Variants in LUZP2 observed in about 807,000 individuals in gnomAD.
LUZP2 encodes leucine zipper protein 2.
In LUZP2, 52 loss-of-function variants were observed where a neutral mutation model predicts 51.6. The ratio of observed to expected loss-of-function variants is 1.01; its 90% CI spans 0.81 to 1.27. The LOEUF is 1.27. Ranked by LOEUF, LUZP2 falls within the 50% of genes most tolerant of loss-of-function variation. The pLI, the probability that LUZP2 is intolerant of heterozygous loss-of-function variation, is 0.00. For synonymous variants in LUZP2, 154 were observed against 137.3 expected, an observed-to-expected ratio of 1.12 and a Z score of -0.85; for missense variants, 436 against 395.4, an observed-to-expected ratio of 1.10 and a Z score of -0.87.
In LUZP2 at chr11:24,823,908, A is replaced by G. The variant is rs1850438754; in HGVS notation, c.396+60600A>G. ...GAAACCCTGTCTCTACTAAAAATAC[A>G]AAAAATTAGCCAGGTGTGGTGGCAG... On this transcript the variant is annotated intron_variant, in intron 5 of 11. Coordinates refer to ENST00000336930, the MANE Select transcript of LUZP2 (RefSeq NM_001009909.4). Among the ~76,000 whole-genome samples, 3 of 152,000 alleles carry G rather than the reference A, an allele frequency of 2.0e-5. No individual in the cohort carries two copies. The South Asian group carries it at 6.2e-4, about 32-fold the overall frequency.
intron 9 of LUZP2, among the ~76,000 whole-genome samples, chr11:25,031,924 A>G (rs1857700054): frequency 6.6e-6 from 1 of 152,178 alleles, no homozygotes; most frequent in South Asian, 2.1e-4. Context: ...AACTAAAATT[A>G]CCAATCAGCT....
chr11:24,602,144 A>ATATATATATGTGTATATATGTATATGTG (rs1853704309), intron 1 of LUZP2, among the ~76,000 whole-genome samples: 1 of 118,112 alleles, frequency 8.5e-6, no homozygotes, highest in African/African-American at 3.6e-5. Flanking sequence ...GTATATATGT[A>ATATATATATGTGTATATATGTATATGTG]TATATGTATA....
intron 5 of LUZP2, among the ~76,000 whole-genome samples, chr11:24,807,811 T>G (rs116932512): frequency 6.6e-6 from 1 of 152,226 alleles, no homozygotes; most frequent in East Asian, 1.9e-4. Flanking sequence ...TGGCCATGCT[T>G]CCCATAAAAA....
chr11:24,648,628 T>C (rs1323513630), intron 1 of LUZP2, among the ~76,000 whole-genome samples: 1 of 151,836 alleles, frequency 6.6e-6, no homozygotes, highest in Non-Finnish European at 1.5e-5. Context: ...GAATGAACCA[T>C]GGCAAAGGAG....
chr11:24,821,646 C>A (rs1850361321), intron 5 of LUZP2, among the ~76,000 whole-genome samples: 1 of 151,990 alleles, frequency 6.6e-6, no homozygotes, highest in Non-Finnish European at 1.5e-5. Flanking sequence ...CAGTTACTGG[C>A]CTCCTTGGGG....
intron 5 of LUZP2, among the ~76,000 whole-genome samples, chr11:24,898,454 C>A (rs1248844804): frequency 1.3e-5 from 2 of 152,270 alleles, no homozygotes; most frequent in Non-Finnish European, 2.9e-5. Flanking sequence ...GAAACCCCGT[C>A]TCTACTAAAA....
intron 9 of LUZP2, among the ~76,000 whole-genome samples, chr11:25,040,899 A>C (rs1332589111): frequency 6.6e-6 from 1 of 152,072 alleles, no homozygotes; most frequent in Non-Finnish European, 1.5e-5. Flanking sequence ...AGTCCACTGC[A>C]TGTGTGGACT....
chr11:24,582,371 G>T (rs1316532236), intron 1 of LUZP2, among the ~76,000 whole-genome samples: 2 of 127,412 alleles, frequency 1.6e-5, no homozygotes, highest in South Asian at 2.6e-4. Context: ...ATAGAGAGAT[G>T]AATAGAAATA....
intron 4 of LUZP2, among the ~76,000 whole-genome samples, chr11:24,739,021 GA>G (rs2133984544): frequency 6.6e-6 from 1 of 152,106 alleles, no homozygotes; most frequent in South Asian, 2.1e-4. Context: ...TGTGTTAATT[GA>G]ACATATGAGG....
At chr11:24,534,317 T>C (rs989152453) in intron 1 of LUZP2, among the ~76,000 whole-genome samples, 5 of 151,102 alleles carry the variant, frequency 3.3e-5, no homozygotes, top group Admixed American at 6.6e-5. Flanking sequence ...CATAAATACA[T>C]GTATATTTCC....
At chr11:24,963,330 CTG>C (rs1440909508) in intron 7 of LUZP2, among the ~76,000 whole-genome samples, 2 of 152,184 alleles carry the variant, frequency 1.3e-5, no homozygotes, top group African/African-American at 4.8e-5. Context: ...GCAGAGGTTA[CTG>C]CTGTCTTTTT....
intron 1 of LUZP2, among the ~76,000 whole-genome samples, chr11:24,640,619 T>C (rs1376808256): frequency 1.3e-5 from 2 of 151,874 alleles, no homozygotes; most frequent in Non-Finnish European, 2.9e-5. Context: ...CTGTGAAAAA[T>C]ATCGTGTTAT....
At chr11:25,072,136 T>C (rs1474760152) in intron 10 of LUZP2, among the ~76,000 whole-genome samples, 1 of 152,256 alleles carries the variant, frequency 6.6e-6, no homozygotes, top group South Asian at 2.1e-4. Flanking sequence ...GAACTGGGAC[T>C]TGAACATAGA....
chr11:24,634,674 G>A (rs1213107446), intron 1 of LUZP2, among the ~76,000 whole-genome samples: 1 of 151,624 alleles, frequency 6.6e-6, no homozygotes, highest in Non-Finnish European at 1.5e-5. Flanking sequence ...TGACCATAGA[G>A]CTGTTTGTTT....
intron 4 of LUZP2, among the ~76,000 whole-genome samples, chr11:24,739,659 C>T (rs1266963073): frequency 6.6e-6 from 1 of 152,082 alleles, no homozygotes; most frequent in East Asian, 1.9e-4. Context: ...CACAGTCAGC[C>T]TGCCTTTCTT....
chr11:24,603,506 T>C (rs1421602825), intron 1 of LUZP2, among the ~76,000 whole-genome samples: 1 of 151,522 alleles, frequency 6.6e-6, no homozygotes, highest in African/African-American at 2.4e-5. Flanking sequence ...AGAAATTTTA[T>C]GTTTCTGAAA....
At chr11:25,023,767 A>C (rs943855118) in intron 9 of LUZP2, among the ~76,000 whole-genome samples, 1 of 152,068 alleles carries the variant, frequency 6.6e-6, no homozygotes, top group African/African-American at 2.4e-5. Flanking sequence ...TCTTGTGGGC[A>C]TTTAGTGCTA....
chr11:24,722,541 A>G (rs978465811), intron 1 of LUZP2, among the ~76,000 whole-genome samples: 2 of 152,154 alleles, frequency 1.3e-5, no homozygotes, highest in Non-Finnish European at 2.9e-5. Flanking sequence ...AAAATTCAAA[A>G]TGAGATTTGG....
At chr11:24,958,430 T>G (rs925199793) in intron 7 of LUZP2, among the ~76,000 whole-genome samples, 154 of 152,272 alleles carry the variant, frequency 1.0e-3, no homozygotes, top group African/African-American at 3.5e-3. Flanking sequence ...TCCTGACTTT[T>G]TAATGATTGC....
Sources: allele counts gnomAD v4.1 joint callset (sites outside exome capture counted in the v4.1 genomes callset), GRCh38; gene constraint gnomAD v4.1.1; transcripts MANE v1.5; gene names NCBI Gene and HGNC (gene_info 2026-07-23, HGNC 2026-07-21).